The following FOXP2 variants were observed in gnomAD, a reference collection of about 807,000 sequenced individuals.
FOXP2 encodes the protein forkhead box P2, also known as forkhead box protein P2.
A neutral mutation model predicts 115.8 loss-of-function variants in FOXP2; 12 were observed. The ratio of observed to expected loss-of-function variants is 0.10; its 90% CI spans 0.07 to 0.17. FOXP2 has a LOEUF of 0.17. Ranked by LOEUF, FOXP2 falls within the 10% of genes least tolerant of loss-of-function variation. The pLI is 1.00. For missense variants in FOXP2, 629 were observed against 843.5 expected, an observed-to-expected ratio of 0.75 and a Z score of 3.15; for synonymous variants, 328 against 297.7, an observed-to-expected ratio of 1.10 and a Z score of -1.05.
intron 1 of FOXP2, among the ~76,000 whole-genome samples, chr7:114,275,586 G>T (rs1415153288): frequency 6.6e-6 from 1 of 152,002 alleles, no homozygotes; most frequent in South Asian, 2.1e-4. Context: ...TCTGTTATTG[G>T]GTACTGTCTT....
intron 2 of FOXP2, among the ~76,000 whole-genome samples, chr7:114,453,990 A>G (rs1315369670): frequency 6.6e-6 from 1 of 152,146 alleles, no homozygotes; most frequent in Non-Finnish European, 1.5e-5. Context: ...ACCAAAAGCA[A>G]TGGCAACACA....
At chr7:114,566,542 T>A (rs903005154) in intron 3 of FOXP2, among the ~76,000 whole-genome samples, 1 of 152,086 alleles carries the variant, frequency 6.6e-6, no homozygotes, top group Non-Finnish European at 1.5e-5. Context: ...GTGTTTCCCC[T>A]TCCCCTTCTG....
intron 1 of FOXP2, among the ~76,000 whole-genome samples, chr7:114,188,595 A>G (rs1341687121): frequency 1.2e-4 from 18 of 152,150 alleles, no homozygotes; most frequent in African/African-American, 2.4e-5. Flanking sequence ...TAACAAATCA[A>G]TTCGCTTGTT....
intron 1 of FOXP2, among the ~76,000 whole-genome samples, chr7:114,187,001 G>T (rs527700437): frequency 1.1e-4 from 17 of 152,268 alleles, no homozygotes; most frequent in African/African-American, 3.8e-4. Context: ...CTGCCGTCAA[G>T]CATGTGATGG....
chr7:114,110,088 T>G (rs921239892), intron 1 of FOXP2, among the ~76,000 whole-genome samples: 1 of 152,154 alleles, frequency 6.6e-6, no homozygotes, highest in Non-Finnish European at 1.5e-5. Flanking sequence ...TGCCACCTAT[T>G]CACAGAGCAA....
At chr7:114,371,465 AT>A (rs1792005600) in intron 2 of FOXP2, among the ~76,000 whole-genome samples, 2 of 152,042 alleles carry the variant, frequency 1.3e-5, no homozygotes, top group African/African-American at 4.8e-5. Context: ...TAAATATAGA[AT>A]AAAAATAAAT....
chr7:114,562,431 C>T (rs1330699441), intron 3 of FOXP2, among the ~76,000 whole-genome samples: 1 of 152,168 alleles, frequency 6.6e-6, no homozygotes, highest in African/African-American at 2.4e-5. Context: ...GTGACTTCAC[C>T]TTCTACTTCA....
At chr7:114,392,938 G>T (rs1476706896) in intron 2 of FOXP2, among the ~76,000 whole-genome samples, 1 of 152,184 alleles carries the variant, frequency 6.6e-6, no homozygotes, top group Non-Finnish European at 1.5e-5. Context: ...AATCAGTGCT[G>T]ACGTACAGAG....
Position 114,272,429 on chromosome 7 carries a change from C to T in FOXP2, c.-101-15590C>T, listed in dbSNP as rs74490249. ...AGGAAGTATTTCTCCCACTTCTATC[C>T]TCTGAAAGAAATTGTAGAGTATTGG... On this transcript the variant is annotated intron_variant, in intron 1 of 17. Transcript: ENST00000634411. Among the ~76,000 whole-genome samples, 219 of 151,804 alleles carry T rather than the reference C, an allele frequency of 1.4e-3. 1 individual carries two copies. The highest frequency in any genetic ancestry group is 4.7e-3 in the African/African-American group (193 of 41,480).
chr7:114,541,870 G>C (rs1226573247), intron 3 of FOXP2, among the ~76,000 whole-genome samples: 3 of 151,622 alleles, frequency 2.0e-5, no homozygotes, highest in Non-Finnish European at 2.9e-5. Context: ...GAGCAAGAAA[G>C]AAATAGAACA....
intron 1 of FOXP2, among the ~76,000 whole-genome samples, chr7:114,229,488 A>G (rs2129165538): frequency 6.6e-6 from 1 of 151,838 alleles, no homozygotes; most frequent in East Asian, 1.9e-4. Context: ...CAGATAGATC[A>G]TGTGTTAGGT....
At chr7:114,247,468 TC>T (rs1294740864) in intron 1 of FOXP2, among the ~76,000 whole-genome samples, 2 of 152,184 alleles carry the variant, frequency 1.3e-5, no homozygotes, top group African/African-American at 4.8e-5. Context: ...CCTATTTACT[TC>T]CTTTAGAATT....
At chr7:114,292,717 C>T (rs1562857363) in intron 2 of FOXP2, among the ~76,000 whole-genome samples, 1 of 152,206 alleles carries the variant, frequency 6.6e-6, no homozygotes, top group African/African-American at 2.4e-5. Flanking sequence ...CATAGTCAAT[C>T]GGATGTTGCA....
chr7:114,218,308 C>A (rs12535428), intron 1 of FOXP2, among the ~76,000 whole-genome samples: 1 of 151,960 alleles, frequency 6.6e-6, no homozygotes, highest in East Asian at 1.9e-4. Flanking sequence ...TCTGCCCACA[C>A]GTTCTCAAAT....
At chr7:114,637,689 T>A (rs933835667) in intron 6 of FOXP2, among the ~76,000 whole-genome samples, 2 of 151,934 alleles carry the variant, frequency 1.3e-5, no homozygotes, top group East Asian at 3.9e-4. Flanking sequence ...AAATATATAG[T>A]GGTGAGCGCT....
At chr7:114,086,907 A>T (rs1480706362), upstream of FOXP2, among the ~76,000 whole-genome samples, 1 of 152,164 alleles carries the variant, frequency 6.6e-6, no homozygotes, top group African/African-American at 2.4e-5. Flanking sequence ...CTGTTGGCTC[A>T]CGGATGATTT....
At chr7:114,681,499 T>G (rs1227242443) in intron 16 of FOXP2, among the ~76,000 whole-genome samples, 3 of 152,116 alleles carry the variant, frequency 2.0e-5, no homozygotes, top group Admixed American at 6.6e-5. Context: ...GATCAATGCA[T>G]GTGTGTTAAT....
intron 3 of FOXP2, among the ~76,000 whole-genome samples, chr7:114,607,773 C>G (rs908420131): frequency 6.6e-6 from 1 of 151,958 alleles, no homozygotes; most frequent in African/African-American, 2.4e-5. Context: ...AATCAAAACA[C>G]TTCATGTAGA....
At chr7:114,573,021 C>A (rs879687867) in intron 3 of FOXP2, among the ~76,000 whole-genome samples, 4 of 151,912 alleles carry the variant, frequency 2.6e-5, no homozygotes, top group Admixed American at 6.6e-5. Context: ...GAGACTGCAT[C>A]TCATCTCTCA....
Sources: gnomAD v4.1 joint callset for allele counts (sites outside exome capture counted in the v4.1 genomes callset) on GRCh38, gnomAD v4.1.1 for gene constraint, MANE v1.5 for transcripts, NCBI Gene and HGNC (gene_info 2026-07-23, HGNC 2026-07-21) for gene names.